Variants in ARF3 observed in about 807,000 individuals in gnomAD.
ARF3 encodes the protein ADP-ribosylation factor 3.
A neutral mutation model predicts 19.3 loss-of-function variants in ARF3; 5 were observed. The observed-to-expected ratio is 0.26, with a 90% confidence interval of 0.14 to 0.54. The LOEUF (loss-of-function observed/expected upper bound fraction) is 0.54. Ranked by LOEUF, ARF3 falls within the 20% of genes least tolerant of loss-of-function variation. The pLI is 0.95. For synonymous variants in ARF3, 71 were observed against 89.2 expected, an observed-to-expected ratio of 0.80 and a Z score of 1.15; for missense variants, 77 against 234.2, an observed-to-expected ratio of 0.33 and a Z score of 4.38.
intron 1 of ARF3, among the ~76,000 whole-genome samples, chr12:48,945,680 G>A (rs892398528): frequency 1.3e-5 from 2 of 151,982 alleles, no homozygotes; most frequent in Admixed American, 6.6e-5. Flanking sequence ...CCGAGATCAC[G>A]CCACTGCACT....
Position 48,938,846 on chromosome 12 carries a change from C to T in ARF3, c.*101G>A, listed in dbSNP as rs111525023. ...GGGCATGTGGACATGATACCCAGGG[C>T]CCTGGCCACACTTGCATGGAGAGGA... On this transcript the variant is annotated 3_prime_UTR_variant, in exon 5 of 5. Transcript: ENST00000256682. 34 of 1,465,730 alleles carry T rather than the reference C, an allele frequency of 2.3e-5. 1 individual carries two copies. In the African/African-American group the frequency reaches 2.4e-4, roughly 10 times the overall value. The allele number at this position is 1,465,730 out of a possible 1,614,324, so 90.8% of individuals were successfully genotyped here.
chr12:48,943,733 A>T (rs1188580918), intron 1 of ARF3, among the ~76,000 whole-genome samples: 6 of 152,188 alleles, frequency 3.9e-5, no homozygotes. Flanking sequence ...AGTGCTTATG[A>T]AGTGTTTCAT....
Position 48,938,743 on chromosome 12 carries a change from A to C in ARF3, c.*204T>G. On this transcript the variant is annotated 3_prime_UTR_variant, in exon 5 of 5. Coordinates refer to ENST00000256682, the MANE Select transcript of ARF3 (RefSeq NM_001659.3). ...ATCCAGTAAATTGGAATGACTCATC[A>C]TCAGGACAGCAATTAGGGATTGGTC... 1 of 639,470 alleles carries C rather than the reference A, an allele frequency of 1.6e-6. No homozygotes were observed. Among genetic ancestry groups the C allele is most frequent in the Non-Finnish European group, 2.7e-6 (1 of 370,204 alleles). The allele number at this position is 639,470 out of a possible 1,614,324, so 39.6% of individuals were successfully genotyped here.
chr12:48,938,399 C>T lies in ARF3; in HGVS notation c.*548G>A, dbSNP rs1365875133. ...GCTCCAGTGGGCAGTGTCCTGGCTG[C>T]AAGCCCTGAGCTTCACTCCACCCCC... On this transcript the variant is annotated 3_prime_UTR_variant, in exon 5 of 5. Coordinates refer to ENST00000256682, the MANE Select transcript of ARF3 (RefSeq NM_001659.3). 1 of 454,340 alleles carries T rather than the reference C, an allele frequency of 2.2e-6. No individual in the cohort carries two copies. Among genetic ancestry groups the T allele is most frequent in the Non-Finnish European group, 4.4e-6 (1 of 226,962 alleles). The allele number at this position is 454,340 out of a possible 1,614,324, so 28.1% of individuals were successfully genotyped here.
intron 1 of ARF3, among the ~76,000 whole-genome samples, chr12:48,949,400 T>C (rs1940423018): frequency 6.6e-6 from 1 of 152,166 alleles, no homozygotes; most frequent in South Asian, 2.1e-4. Context: ...TAATTTTTTG[T>C]ATTTTTAGTA....
chr12:48,951,721 A>G (rs1940475584), intron 1 of ARF3, among the ~76,000 whole-genome samples: 1 of 151,996 alleles, frequency 6.6e-6, no homozygotes, highest in Non-Finnish European at 1.5e-5. Context: ...CTCTACTAAA[A>G]GTACTAAATT....
chr12:48,935,875 G>A lies in ARF3; in HGVS notation c.*3072C>T, dbSNP rs1453121583. On this transcript the variant is annotated 3_prime_UTR_variant, in exon 5 of 5. Coordinates refer to ENST00000256682, the MANE Select transcript of ARF3 (RefSeq NM_001659.3). Reference sequence around the variant, plus strand: ...CTCCAAGTTCAGGGCCCTTCAGCCAGTGAAGTCCATACAGTCTACCAACAG... The same window carrying A: ...CTCCAAGTTCAGGGCCCTTCAGCCAATGAAGTCCATACAGTCTACCAACAG... 6.6e-6 allele frequency: 1 copy of A among 152,248 alleles called. No individual in the cohort carries two copies. The highest frequency in any genetic ancestry group is 2.4e-5 in the African/African-American group (1 of 41,466). The allele number at this position is 152,248 out of a possible 1,614,324, so 9.4% of individuals were successfully genotyped here.
intron 1 of ARF3, among the ~76,000 whole-genome samples, chr12:48,952,031 GA>G (rs1940482240): frequency 6.6e-6 from 1 of 152,170 alleles, no homozygotes; most frequent in Non-Finnish European, 1.5e-5. Flanking sequence ...ACATACAAAA[GA>G]AAAGAGGGAG....
In ARF3 at chr12:48,936,810, A is replaced by T. The variant is rs981789898; in HGVS notation, c.*2137T>A. 6.6e-6 allele frequency: 1 copy of T among 152,248 alleles called. No homozygotes were observed. Among genetic ancestry groups the T allele is most frequent in the African/African-American group, 2.4e-5 (1 of 41,440 alleles). 9.4% of individuals were successfully genotyped at this position (152,248 alleles called of 1,614,324 possible). On this transcript the variant is annotated 3_prime_UTR_variant, in exon 5 of 5. Coordinates refer to ENST00000256682, the MANE Select transcript of ARF3 (RefSeq NM_001659.3). ...CCTAAGTAGGAAAAAATACATGGAA[A>T]AGGGCAAATGAGCAACAGCAGTGAA... is the stretch of plus-strand genomic sequence containing the variant.
chr12:48,938,449 A>C lies in ARF3; in HGVS notation c.*498T>G, dbSNP rs904741520. 8 of 453,254 alleles carry C rather than the reference A, an allele frequency of 1.8e-5. No individual in the cohort carries two copies. Among genetic ancestry groups the C allele is most frequent in the South Asian group, 3.1e-5 (2 of 64,264 alleles). The allele number at this position is 453,254 out of a possible 1,614,324, so 28.1% of individuals were successfully genotyped here. A position where few individuals can be genotyped will look rare whatever the true frequency, so the allele number is the denominator to read the frequency against. On this transcript the variant is annotated 3_prime_UTR_variant, in exon 5 of 5. Transcript: ENST00000256682. ...CTCCCCGCTCCCCCCGGCCCCCACA[A>C]ATATATCTCTCTATACATGTATATA...
chr12:48,940,075 T>C lies in ARF3; in HGVS notation c.181A>G (p.Ile61Val). ...CCCACATCCCACACTGTAAAGCTGA[T>C]GTTCTTATACTCCACTGTCTCCACA... ...FNVETVEYKN[I>V]SFTVWDVGGQ... Residue 61 changes from isoleucine (I) to valine (V), a missense_variant, in exon 3 of 5, where the codon ATC (isoleucine) becomes GTC (valine). Transcript: ENST00000256682. 1 of 1,614,018 alleles carries C rather than the reference T, an allele frequency of 6.2e-7. No homozygotes were observed. The highest frequency in any genetic ancestry group is 8.5e-7 in the Non-Finnish European group (1 of 1,180,010).
intron 1 of ARF3, among the ~76,000 whole-genome samples, chr12:48,954,193 A>G (rs981520398): frequency 1.3e-5 from 2 of 152,204 alleles, no homozygotes; most frequent in Non-Finnish European, 2.9e-5. Context: ...TTGATGGTTC[A>G]GGGCCCCTGC....
At chr12:48,955,033 T>C (rs1420756987) in intron 1 of ARF3, among the ~76,000 whole-genome samples, 2 of 152,110 alleles carry the variant, frequency 1.3e-5, no homozygotes, top group African/African-American at 4.8e-5. Context: ...GATTCTACAA[T>C]TTCCTTCAGT....
intron 1 of ARF3, among the ~76,000 whole-genome samples, chr12:48,955,325 C>T (rs1398653239): frequency 6.6e-6 from 1 of 152,160 alleles, no homozygotes; most frequent in African/African-American, 2.4e-5. Context: ...ATATTGGTCC[C>T]TCCTCCAAAC....
chr12:48,951,496 A>G (rs2137593813), intron 1 of ARF3, among the ~76,000 whole-genome samples: 1 of 152,190 alleles, frequency 6.6e-6, no homozygotes, highest in East Asian at 1.9e-4. Flanking sequence ...GTGGTGGACG[A>G]AGGTTGCAGC....
chr12:48,935,764 C>A lies in ARF3; in HGVS notation c.*3183G>T, dbSNP rs952327989. 2 of 151,820 alleles carry A rather than the reference C, an allele frequency of 1.3e-5. No homozygotes were observed. The highest frequency in any genetic ancestry group is 1.3e-4 in the Admixed American group (2 of 15,240). 9.4% of individuals were successfully genotyped at this position (151,820 alleles called of 1,614,324 possible). A position where few individuals can be genotyped will look rare whatever the true frequency, so the allele number is the denominator to read the frequency against. On this transcript the variant is annotated 3_prime_UTR_variant, in exon 5 of 5. Coordinates refer to ENST00000256682, the MANE Select transcript of ARF3 (RefSeq NM_001659.3). The stretch of plus-strand genomic sequence containing the variant: ...GTTTATTCACTGCCAAAGTCCAGAA[C>A]TAGACTAGTGAGGGGGTCTCTGTTC...
chr12:48,945,026 T>A (rs1422122206), intron 1 of ARF3, among the ~76,000 whole-genome samples: 2 of 148,508 alleles, frequency 1.3e-5, no homozygotes, highest in Non-Finnish European at 3.0e-5. Flanking sequence ...GGTGCGCGCC[T>A]GTACTCAGGA....
intron 1 of ARF3, among the ~76,000 whole-genome samples, chr12:48,948,143 T>C (rs1379187017): frequency 6.6e-6 from 1 of 151,282 alleles, no homozygotes; most frequent in East Asian, 1.9e-4. Flanking sequence ...AAGTTGTGGC[T>C]GCAGTGAGCC....
intron 1 of ARF3, chr12:48,956,587 T>TG (rs1940571548): frequency 6.6e-6 from 1 of 152,162 alleles, no homozygotes; most frequent in African/African-American, 2.4e-5. Context: ...AGTGACAAGA[T>TG]GCTCCCTCCT....
Sources: gnomAD v4.1 joint callset for allele counts (sites outside exome capture counted in the v4.1 genomes callset) on GRCh38, gnomAD v4.1.1 for gene constraint, MANE v1.5 for transcripts, NCBI Gene and HGNC (gene_info 2026-07-23, HGNC 2026-07-21) for gene names.